Variants in CBLB observed in about 807,000 individuals in gnomAD.
CBLB encodes Cbl proto-oncogene B.
A neutral mutation model predicts 104.9 loss-of-function variants in CBLB; 31 were observed. The ratio of observed to expected loss-of-function variants is 0.30; its 90% CI spans 0.22 to 0.40. CBLB has a LOEUF of 0.40. Ranked by LOEUF, CBLB falls within the 10% of genes least tolerant of loss-of-function variation. The pLI is 1.00. For missense variants in CBLB, 1,062 were observed against 1,214.6 expected, an observed-to-expected ratio of 0.87 and a Z score of 1.87; for synonymous variants, 440 against 422.6, an observed-to-expected ratio of 1.04 and a Z score of -0.51.
intron 3 of CBLB, among the ~76,000 whole-genome samples, chr3:105,846,394 T>A (rs768389898): frequency 5.5e-4 from 83 of 152,082 alleles, no homozygotes; most frequent in Non-Finnish European, 7.7e-4. Flanking sequence ...AATTTATTTA[T>A]AAAAGACAAA....
chr3:105,700,496 T>A (rs1178214145), intron 12 of CBLB, among the ~76,000 whole-genome samples: 1 of 152,024 alleles, frequency 6.6e-6, no homozygotes, highest in Non-Finnish European at 1.5e-5. Flanking sequence ...ACCTGAAAAT[T>A]TTTGAAAATG....
intron 4 of CBLB, among the ~76,000 whole-genome samples, chr3:105,762,638 G>A (rs1370829068): frequency 6.6e-6 from 1 of 152,248 alleles, no homozygotes; most frequent in Non-Finnish European, 1.5e-5. Flanking sequence ...TTCAGAAGAT[G>A]TATGGAAATG....
intron 4 of CBLB, among the ~76,000 whole-genome samples, chr3:105,763,682 A>T (rs1469807204): frequency 1.3e-5 from 2 of 152,212 alleles, no homozygotes. Context: ...TAATATAAGT[A>T]AGTTTTATTT....
intron 2 of CBLB, among the ~76,000 whole-genome samples, chr3:105,861,251 T>G (rs930141950): frequency 1.3e-5 from 2 of 152,180 alleles, no homozygotes; most frequent in Non-Finnish European, 2.9e-5. Context: ...TAAGATAAAC[T>G]TAATATTAAA....
chr3:105,684,756 T>C (rs1048619052), intron 14 of CBLB, among the ~76,000 whole-genome samples: 1 of 152,150 alleles, frequency 6.6e-6, no homozygotes, highest in Non-Finnish European at 1.5e-5. Flanking sequence ...TTTCACCATG[T>C]TGGTCAGGCT....
chr3:105,718,274 A>C (rs1350556658), intron 10 of CBLB, among the ~76,000 whole-genome samples: 2 of 152,234 alleles, frequency 1.3e-5, no homozygotes, highest in Non-Finnish European at 2.9e-5. Context: ...TCTGAGTGTT[A>C]AATTATAACA....
chr3:105,832,632 CAGAA>C (rs1324861190), intron 3 of CBLB, among the ~76,000 whole-genome samples: 3 of 152,120 alleles, frequency 2.0e-5, no homozygotes, highest in African/African-American at 7.2e-5. Flanking sequence ...TTTCCATCTC[CAGAA>C]AGAAAACAAA....
In CBLB at chr3:105,743,607, A is replaced by T. The variant is rs183403174; in HGVS notation, c.845+2310T>A. Among the ~76,000 whole-genome samples, 9 of 152,060 alleles carry T rather than the reference A, an allele frequency of 5.9e-5. No individual in the cohort carries two copies. The East Asian group carries it at 1.5e-3, about 26-fold the overall frequency. ...TTCCAAATGTTACTACCTTCACCCC[A>T]TAACTCATATTTTGTCAGATGGATC... On this transcript the variant is annotated intron_variant, in intron 6 of 18. Transcript: ENST00000394030.
At chr3:105,792,708 A>G (rs2081819108) in intron 3 of CBLB, among the ~76,000 whole-genome samples, 1 of 152,166 alleles carries the variant, frequency 6.6e-6, no homozygotes, top group Admixed American at 6.5e-5. Flanking sequence ...ACTACAAGAA[A>G]TGGAAGAGGA....
At chr3:105,725,987 G>T (rs1474539957) in intron 9 of CBLB, among the ~76,000 whole-genome samples, 2 of 152,098 alleles carry the variant, frequency 1.3e-5, no homozygotes, top group Non-Finnish European at 2.9e-5. Context: ...AAGCTGCTGG[G>T]ATTACAGGCT....
At chr3:105,819,965 C>T (rs941185353) in intron 3 of CBLB, among the ~76,000 whole-genome samples, 4 of 152,066 alleles carry the variant, frequency 2.6e-5, no homozygotes, top group Admixed American at 6.6e-5. Context: ...AAGTGCACTA[C>T]ATTTATTGTG....
intron 10 of CBLB, 85 bp downstream of exon 10, chr3:105,719,962 G>A (rs7624400): frequency 0.87 from 899,094 of 1,030,796 alleles, 394,900 homozygotes; most frequent in Admixed American, 0.92. Context: ...ACTCAAATAC[G>A]CTGAGTCATA....
At chr3:105,684,139 GAAGTA>G (rs1032070730) in intron 14 of CBLB, among the ~76,000 whole-genome samples, 2 of 152,208 alleles carry the variant, frequency 1.3e-5, no homozygotes, top group African/African-American at 4.8e-5. Flanking sequence ...ACAGATGACT[GAAGTA>G]ATTGCCATCT....
intron 3 of CBLB, among the ~76,000 whole-genome samples, chr3:105,815,346 G>A (rs1415007888): frequency 3.9e-5 from 6 of 152,112 alleles, no homozygotes; most frequent in Admixed American, 3.9e-4. Flanking sequence ...TTCAAAGGAT[G>A]ATTAGCAAAA....
chr3:105,792,656 C>T (rs1009353611), intron 3 of CBLB, among the ~76,000 whole-genome samples: 1 of 152,118 alleles, frequency 6.6e-6, no homozygotes, highest in Admixed American at 6.5e-5. Context: ...CAACAGACTG[C>T]CAAAGGTCAG....
chr3:105,685,538 T>C, intron 13 of CBLB, 72 bp from the exon 14 acceptor site: 1 of 1,255,220 alleles, frequency 8.0e-7, no homozygotes, highest in Admixed American at 1.9e-5. Flanking sequence ...TGTGACATAT[T>C]CAAGTCAAAG....
At chr3:105,691,005 C>T (rs1451524789) in intron 13 of CBLB, among the ~76,000 whole-genome samples, 1 of 151,934 alleles carries the variant, frequency 6.6e-6, no homozygotes, top group Non-Finnish European at 1.5e-5. Context: ...ATTATCTCTA[C>T]CATATAATCT....
At chr3:105,869,064 G>C (rs1706722488), upstream of CBLB, 1 of 1,068,562 alleles carries the variant, frequency 9.4e-7, no homozygotes, top group African/African-American at 1.8e-5. Flanking sequence ...GGGCGGGGCG[G>C]GGGCGGGGCC....
chr3:105,677,303 G>C (rs780860519), intron 17 of CBLB, among the ~76,000 whole-genome samples: 9 of 150,336 alleles, frequency 6.0e-5, no homozygotes, highest in Non-Finnish European at 1.3e-4. Context: ...TCCATAACTT[G>C]TGTGTCTTAT....
Sources: allele counts gnomAD v4.1 joint callset (sites outside exome capture counted in the v4.1 genomes callset), GRCh38; gene constraint gnomAD v4.1.1; transcripts MANE v1.5; gene names NCBI Gene and HGNC (gene_info 2026-07-23, HGNC 2026-07-21).